SAMD4A: variants seen among roughly 807,000 people sequenced by gnomAD.
SAMD4A encodes sterile alpha motif domain containing 4A.
In SAMD4A, 33 loss-of-function variants were observed where a neutral mutation model predicts 81.3. That is an observed-to-expected ratio of 0.41 (90% confidence interval 0.31 to 0.54). The LOEUF is 0.54. SAMD4A is among the 20% of genes least tolerant of loss of function. The probability of loss-of-function intolerance (pLI) is 0.37; values close to 1 mark genes in which losing one functional copy is unlikely to be tolerated. For missense variants in SAMD4A, 854 were observed against 951.1 expected (o/e 0.90, Z 1.34); for synonymous variants, 389 against 382.1 (o/e 1.02, Z -0.21).
chr14:54,607,274 G>A (rs559667941), intron 2 of SAMD4A, among the ~76,000 whole-genome samples: 1 of 152,152 alleles, frequency 6.6e-6, no homozygotes, highest in South Asian at 2.1e-4. Context: ...GTGGCAGGTA[G>A]ATTTGGTTTT....
intron 9 of SAMD4A, among the ~76,000 whole-genome samples, chr14:54,772,556 A>G (rs780173504): frequency 1.3e-5 from 2 of 152,214 alleles, no homozygotes; most frequent in Admixed American, 6.5e-5. Flanking sequence ...GACTATAAGT[A>G]TCCCATAACA....
At chr14:54,632,658 G>A (rs764233256) in intron 2 of SAMD4A, among the ~76,000 whole-genome samples, 2 of 152,096 alleles carry the variant, frequency 1.3e-5, no homozygotes, top group Non-Finnish European at 2.9e-5. Context: ...TTTGCTGGCT[G>A]CATGGTATTC....
At chr14:54,659,942 A>C (rs1382566029) in intron 2 of SAMD4A, among the ~76,000 whole-genome samples, 3 of 152,160 alleles carry the variant, frequency 2.0e-5, no homozygotes, top group East Asian at 3.9e-4. Flanking sequence ...TTAGCCGAGC[A>C]TGGTGGCGCA....
chr14:54,568,145 C>A (rs1300535877), intron 2 of SAMD4A, 33 bp downstream of exon 2: 2 of 1,441,424 alleles, frequency 1.4e-6, no homozygotes, highest in Non-Finnish European at 1.8e-6. Flanking sequence ...CGCCGTCCCG[C>A]CTGCCCAACC....
In SAMD4A at chr14:54,702,461, G is replaced by A; in HGVS notation, c.596G>A (p.Cys199Tyr). ...CAGAACTCTCGGGATTCTGGGATTT[G>A]CATCAATGCCTCCAACTGGCAGGAC... ...GWQNSRDSGI[C>Y]INASNWQDKS... is the part of the protein sequence containing the mutation. The change falls in exon 3 of 13, where the codon TGC (cysteine) becomes TAC (tyrosine). Residue 199 changes from cysteine to tyrosine, a missense_variant. Physicochemically the swap from Cys to Tyr is radical, Grantham distance 194. Around this residue, in one of 3 missense-constraint regions of SAMD4A, gnomAD observed 387 missense variants for 405.8 expected, o/e 0.95. Transcript: ENST00000554335. The A allele has an allele frequency of 6.2e-7, 1 of 1,614,132 alleles. No individual in the cohort carries two copies. Among genetic ancestry groups the A allele is most frequent in the South Asian group, 1.1e-5 (1 of 91,078 alleles).
chr14:54,672,580 TG>T (rs1391551328), intron 2 of SAMD4A, among the ~76,000 whole-genome samples: 1 of 152,218 alleles, frequency 6.6e-6, no homozygotes, highest in African/African-American at 2.4e-5. Context: ...ACACTAGGTT[TG>T]ATCTGCTTTT....
intron 2 of SAMD4A, among the ~76,000 whole-genome samples, chr14:54,688,948 T>TTTTTTTTTTG (rs2036355905): frequency 1.4e-5 from 2 of 147,948 alleles, no homozygotes; most frequent in South Asian, 2.1e-4. Context: ...TTTTTTTTTT[T>TTTTTTTTTTG]GAGGCGGAGT....
At chr14:54,709,793 G>A (rs554514402) in intron 3 of SAMD4A, among the ~76,000 whole-genome samples, 18 of 152,230 alleles carry the variant, frequency 1.2e-4, no homozygotes, top group Non-Finnish European at 2.1e-4. Flanking sequence ...GATAGAACCC[G>A]GATTAGCATC....
intron 12 of SAMD4A, among the ~76,000 whole-genome samples, chr14:54,785,481 G>C (rs532332652): frequency 2.0e-5 from 3 of 152,232 alleles, no homozygotes; most frequent in Non-Finnish European, 4.4e-5. Flanking sequence ...GTGCCACAGA[G>C]ACACAGAGAG....
At chr14:54,681,222 CGATGAGCCTCAGTTT>C in intron 2 of SAMD4A, among the ~76,000 whole-genome samples, 1 of 148,980 alleles carries the variant, frequency 6.7e-6, no homozygotes. Flanking sequence ...CACTTCACCA[CGATGAGCCTCAGTTT>C]CCTCACCACA....
intron 2 of SAMD4A, chr14:54,694,636 C>A (rs1483912142): frequency 7.1e-6 from 7 of 985,408 alleles, no homozygotes; most frequent in Non-Finnish European, 8.4e-6. Context: ...GGCCAGAGGT[C>A]AGAACCGAGG....
intron 6 of SAMD4A, among the ~76,000 whole-genome samples, chr14:54,756,002 C>T (rs2038229084): frequency 6.6e-6 from 1 of 152,114 alleles, no homozygotes; most frequent in Non-Finnish European, 1.5e-5. Context: ...TCTCTGTAAG[C>T]CTGCGCCTTT....
At chr14:54,645,013 C>T (rs1050635289) in intron 2 of SAMD4A, among the ~76,000 whole-genome samples, 13 of 152,094 alleles carry the variant, frequency 8.5e-5, no homozygotes, top group Admixed American at 5.9e-4. Context: ...ACCTGAAGTT[C>T]TTAAGTGACA....
intron 3 of SAMD4A, among the ~76,000 whole-genome samples, chr14:54,736,678 A>G (rs1048971078): frequency 1.3e-5 from 2 of 152,338 alleles, no homozygotes; most frequent in South Asian, 4.1e-4. Flanking sequence ...TTTGGCAGAT[A>G]TGGCTGTCAA....
intron 6 of SAMD4A, among the ~76,000 whole-genome samples, chr14:54,753,610 T>C (rs1296721392): frequency 6.8e-6 from 1 of 147,058 alleles, no homozygotes. Context: ...GATCTCTCTT[T>C]CTTTTCCCTA....
upstream of SAMD4A, among the ~76,000 whole-genome samples, chr14:54,566,116 C>A (rs1162813017): frequency 6.6e-6 from 1 of 151,442 alleles, no homozygotes; most frequent in Non-Finnish European, 1.5e-5. Flanking sequence ...CTCAGTCCTC[C>A]GCGAGCCGAC....
chr14:54,696,962 T>A (rs2036592720), intron 2 of SAMD4A: 1 of 152,106 alleles, frequency 6.6e-6, no homozygotes, highest in Non-Finnish European at 1.5e-5. Context: ...TTGGGGTGAG[T>A]AATGGTAGAG....
intron 2 of SAMD4A, among the ~76,000 whole-genome samples, chr14:54,691,497 CT>C (rs564169028): frequency 1.8e-4 from 25 of 139,586 alleles, no homozygotes; most frequent in African/African-American, 6.0e-4. Context: ...CCTACCTTTT[CT>C]TCTTACCCAC....
At chr14:54,613,116 G>C (rs1156361263) in intron 2 of SAMD4A, among the ~76,000 whole-genome samples, 3 of 129,346 alleles carry the variant, frequency 2.3e-5, no homozygotes, top group Non-Finnish European at 3.2e-5. Context: ...ACTCCATCAA[G>C]AAAGAAAAAG....
Sources: allele counts gnomAD v4.1 joint callset (sites outside exome capture counted in the v4.1 genomes callset), GRCh38; gene constraint gnomAD v4.1.1; regional missense constraint gnomAD v4.1.1; transcripts MANE v1.5; gene names NCBI Gene and HGNC (gene_info 2026-07-23, HGNC 2026-07-21).